The following PRTFDC1 variants were observed in gnomAD, a reference collection of about 807,000 sequenced individuals.
PRTFDC1 encodes phosphoribosyl transferase domain containing 1, also known as phosphoribosyltransferase domain-containing protein 1.
A neutral mutation model predicts 34.6 loss-of-function variants in PRTFDC1; 38 were observed. The observed-to-expected ratio is 1.10, with a 90% confidence interval of 0.85 to 1.44. PRTFDC1 has a LOEUF of 1.44. Among genes scored for constraint, PRTFDC1 ranks in the 40% most tolerant of loss-of-function variants. PRTFDC1 has a pLI of 0.00. For missense variants in PRTFDC1, 270 were observed against 283.0 expected (o/e 0.95, Z 0.33); for synonymous variants, 93 against 98.1 (o/e 0.95, Z 0.31).
chr10:24,871,942 A>C lies in PRTFDC1; in HGVS notation c.405+56T>G, dbSNP rs370967983. The C allele has an allele frequency of 2.5e-5, 36 of 1,457,364 alleles. 1 individual carries two copies. In the African/African-American group the frequency reaches 4.8e-4, roughly 19 times the overall value. 90.3% of individuals were successfully genotyped at this position (1,457,364 alleles called of 1,614,324 possible). On this transcript the variant is annotated intron_variant, in intron 4 of 8. Transcript: ENST00000320152. ...TCCTGTGAGTGCTGACCTGAAATGC[A>C]GGTCACCGATGCCCCCAGACCTCAA...
chr10:24,910,142 C>G (rs780827168), intron 3 of PRTFDC1, among the ~76,000 whole-genome samples: 20 of 152,108 alleles, frequency 1.3e-4, no homozygotes, highest in Non-Finnish European at 2.5e-4. Context: ...GCCTAGGTGA[C>G]AGAGTGAGAC....
intron 3 of PRTFDC1, among the ~76,000 whole-genome samples, chr10:24,913,742 T>C (rs1848658667): frequency 6.6e-6 from 1 of 152,194 alleles, no homozygotes; most frequent in Non-Finnish European, 1.5e-5. Flanking sequence ...AAAGCAAACT[T>C]TAGAATCCAT....
In PRTFDC1 at chr10:24,952,523, T is replaced by C; in HGVS notation, c.48+5A>G. The C allele has an allele frequency of 6.3e-7, 1 of 1,585,112 alleles. No individual in the cohort carries two copies. ...CGAGCCCCAAAATAGGGAGTTTGCA[T>C]TTACCACGACGCCTCGCCCGTAGTC... is the stretch of plus-strand genomic sequence containing the variant. On this transcript the variant is annotated splice_donor_5th_base_variant and intron_variant, in intron 1 of 8. Transcript: ENST00000320152. The surrounding 1 kb of genome is among the most constrained non-coding windows in gnomAD (Gnocchi z 5.1).
At chr10:24,919,109 T>C (rs1848742164) in intron 3 of PRTFDC1, among the ~76,000 whole-genome samples, 1 of 152,220 alleles carries the variant, frequency 6.6e-6, no homozygotes, top group South Asian at 2.1e-4. Context: ...TCAATAGTAA[T>C]CAATCAATAT....
intron 3 of PRTFDC1, among the ~76,000 whole-genome samples, chr10:24,876,213 T>G (rs1847960131): frequency 6.6e-6 from 1 of 151,274 alleles, no homozygotes; most frequent in Non-Finnish European, 1.5e-5. Flanking sequence ...GACCAACGTT[T>G]CTACCAAAAC....
intron 3 of PRTFDC1, among the ~76,000 whole-genome samples, chr10:24,911,680 A>G (rs1388177452): frequency 1.3e-5 from 2 of 151,952 alleles, no homozygotes; most frequent in Admixed American, 1.3e-4. Context: ...ATCCTGGCTA[A>G]CATGGTGAAA....
At chr10:24,914,093 T>G (rs147922316) in intron 3 of PRTFDC1, among the ~76,000 whole-genome samples, 112 of 152,308 alleles carry the variant, frequency 7.4e-4, no homozygotes, top group African/African-American at 2.6e-3. Flanking sequence ...CCATCAAGTT[T>G]CACAGTCAAA....
At chr10:24,909,578 T>C (rs935623156) in intron 3 of PRTFDC1, among the ~76,000 whole-genome samples, 2 of 152,196 alleles carry the variant, frequency 1.3e-5, no homozygotes, top group Non-Finnish European at 2.9e-5. Flanking sequence ...AAATATTGCA[T>C]ATATATTTTT....
intron 6 of PRTFDC1, among the ~76,000 whole-genome samples, chr10:24,856,006 T>C (rs1462799056): frequency 3.5e-5 from 5 of 143,916 alleles, no homozygotes; most frequent in African/African-American, 1.3e-4. Context: ...CTCAGCTACA[T>C]GGGAGTCTGA....
rs180947608 is a variant in PRTFDC1 at position 24,890,681 on chromosome 10, G to A, written c.340-18618C>T. Among the ~76,000 whole-genome samples the A allele has an allele frequency of 2.6e-5, 4 of 152,280 alleles. No homozygotes were observed. The East Asian group carries it at 7.7e-4, about 29-fold the overall frequency. ...ACTCTGTTCCCTGTCTGGCTCCTTTGCCCATAAATTGATTGAACTGCTTTC... is the reference window on the plus strand; with the variant it reads ...ACTCTGTTCCCTGTCTGGCTCCTTTACCCATAAATTGATTGAACTGCTTTC... On this transcript the variant is annotated intron_variant, in intron 3 of 8. Coordinates refer to ENST00000320152, the MANE Select transcript of PRTFDC1 (RefSeq NM_020200.7).
intron 2 of PRTFDC1, among the ~76,000 whole-genome samples, chr10:24,941,471 G>A (rs1202945343): frequency 2.6e-5 from 4 of 151,892 alleles, no homozygotes; most frequent in African/African-American, 9.7e-5. Flanking sequence ...AGCCTCTGGA[G>A]TAGCCTGGAT....
intron 4 of PRTFDC1, among the ~76,000 whole-genome samples, chr10:24,860,047 C>A (rs10828713): frequency 6.6e-6 from 1 of 152,198 alleles, no homozygotes; most frequent in African/African-American, 2.4e-5. Flanking sequence ...TCTCTTTCTT[C>A]AGATGATGTT....
In PRTFDC1 at chr10:24,855,461, A is replaced by G. The variant is rs7083870; in HGVS notation, c.507-97T>C. Reference sequence around the variant, plus strand: ...ATTAAAAGATGTACTTGAAATACATATTTTGCTACTGTGGCACTATATAGA... The same window carrying G: ...ATTAAAAGATGTACTTGAAATACATGTTTTGCTACTGTGGCACTATATAGA... On this transcript the variant is annotated intron_variant, in intron 6 of 8. Coordinates refer to ENST00000320152, the MANE Select transcript of PRTFDC1 (RefSeq NM_020200.7). 7,079 of 1,441,116 alleles carry G rather than the reference A, an allele frequency of 4.9e-3. 265 individuals carry two copies. In the African/African-American group the frequency reaches 0.084, roughly 17 times the overall value. 89.3% of individuals were successfully genotyped at this position (1,441,116 alleles called of 1,614,324 possible). A position where few individuals can be genotyped will look rare whatever the true frequency, so the allele number is the denominator to read the frequency against.
intron 3 of PRTFDC1, among the ~76,000 whole-genome samples, chr10:24,924,396 C>A (rs1308135768): frequency 6.6e-6 from 1 of 152,100 alleles, no homozygotes; most frequent in Non-Finnish European, 1.5e-5. Flanking sequence ...TTAAGGGCAG[C>A]CAGAGAGAAA....
At chr10:24,949,369 C>T (rs962061925) in intron 1 of PRTFDC1, among the ~76,000 whole-genome samples, 5 of 152,120 alleles carry the variant, frequency 3.3e-5, no homozygotes, top group African/African-American at 9.7e-5. Flanking sequence ...AGGTGTGAGC[C>T]ACCACTCCCA....
chr10:24,916,811 C>A (rs1043941499), intron 3 of PRTFDC1, among the ~76,000 whole-genome samples: 1 of 152,116 alleles, frequency 6.6e-6, no homozygotes, highest in African/African-American at 2.4e-5. Context: ...ATGTAAAATC[C>A]TGACATACGA....
chr10:24,876,814 C>A (rs1847973632), intron 3 of PRTFDC1, among the ~76,000 whole-genome samples: 1 of 152,012 alleles, frequency 6.6e-6, no homozygotes, highest in South Asian at 2.1e-4. Flanking sequence ...CTCCCAATTT[C>A]TTTTTCTTCT....
chr10:24,910,144 G>A (rs1020932696), intron 3 of PRTFDC1, among the ~76,000 whole-genome samples: 1 of 152,274 alleles, frequency 6.6e-6, no homozygotes, highest in African/African-American at 2.4e-5. Context: ...CTAGGTGACA[G>A]AGTGAGACTC....
At chr10:24,901,630 G>A (rs1269857190) in intron 3 of PRTFDC1, among the ~76,000 whole-genome samples, 1 of 152,168 alleles carries the variant, frequency 6.6e-6, no homozygotes, top group East Asian at 1.9e-4. Flanking sequence ...TCAGGAGGCT[G>A]AGGCGAAAGG....
Sources: allele counts gnomAD v4.1 joint callset (sites outside exome capture counted in the v4.1 genomes callset), GRCh38; gene constraint gnomAD v4.1.1; non-coding constraint Gnocchi (gnomAD v3.1); transcripts MANE v1.5; gene names NCBI Gene and HGNC (gene_info 2026-07-23, HGNC 2026-07-21).